The following SPATA31H1 variants were observed in gnomAD, a reference collection of about 807,000 sequenced individuals.
SPATA31H1 encodes the protein SPATA31 subfamily H member 1.
At chr2:27,539,621 G>A in the SPATA31H1 span, among the ~76,000 whole-genome samples, 1 of 110,216 alleles carries the variant, frequency 9.1e-6, no homozygotes, top group Non-Finnish European at 1.8e-5. Flanking sequence ...CATCCCCAAT[G>A]AGCCGCTGGG....
chr2:27,549,905 C>A, the SPATA31H1 span, among the ~76,000 whole-genome samples: 1 of 151,976 alleles, frequency 6.6e-6, no homozygotes, highest in Non-Finnish European at 1.5e-5. Flanking sequence ...AATCCTCTCA[C>A]CTTGGCCTCC....
At chr2:27,579,500 G>GATATGGA in the SPATA31H1 span, 2 of 1,614,180 alleles carry the variant, frequency 1.2e-6, no homozygotes, top group Non-Finnish European at 1.7e-6. Context: ...TGGCCTTAAG[G>GATATGGA]ATATGGACAC....
At chr2:27,560,131 G>T in the SPATA31H1 span, among the ~76,000 whole-genome samples, 2 of 152,098 alleles carry the variant, frequency 1.3e-5, no homozygotes, top group African/African-American at 4.8e-5. Flanking sequence ...CTCCCAAAGT[G>T]CTGGGATTAC....
At chr2:27,567,478 T>G in the SPATA31H1 span, 1 of 420,190 alleles carries the variant, frequency 2.4e-6, no homozygotes, top group Non-Finnish European at 4.2e-6. Flanking sequence ...TCCTCAGACC[T>G]TCCATCATTT....
At chr2:27,565,756 G>A in the SPATA31H1 span, among the ~76,000 whole-genome samples, 1 of 152,102 alleles carries the variant, frequency 6.6e-6, no homozygotes, top group East Asian at 1.9e-4. Context: ...TGGAGAAAAA[G>A]ATATGTATCA....
the SPATA31H1 span, among the ~76,000 whole-genome samples, chr2:27,559,204 C>T: frequency 1.3e-5 from 2 of 152,138 alleles, no homozygotes; most frequent in African/African-American, 4.8e-5. Context: ...TTCTGGCAGT[C>T]ATTTAGATGA....
At chr2:27,570,015 C>A in the SPATA31H1 span, 1 of 398,954 alleles carries the variant, frequency 2.5e-6, no homozygotes. Flanking sequence ...AGAGCCAACA[C>A]ATCAAAGTGT....
At chr2:27,576,137 C>T in the SPATA31H1 span, 1 of 403,030 alleles carries the variant, frequency 2.5e-6, no homozygotes. Context: ...CTATGGAGTG[C>T]AAACTTGCGC....
chr2:27,579,155 A>G, the SPATA31H1 span: 1 of 1,614,210 alleles, frequency 6.2e-7, no homozygotes, highest in Non-Finnish European at 8.5e-7. Flanking sequence ...GGGTTCAGAA[A>G]GGTCTCATCA....
At chr2:27,566,063 C>T in the SPATA31H1 span, 1 of 717,446 alleles carries the variant, frequency 1.4e-6, no homozygotes, top group Non-Finnish European at 2.6e-6. Flanking sequence ...GGGAAGAAAA[C>T]CTCAGGATGG....
At chr2:27,570,046 C>T in the SPATA31H1 span, 1 of 398,768 alleles carries the variant, frequency 2.5e-6, no homozygotes, top group Non-Finnish European at 4.4e-6. Context: ...CAGCTGACTC[C>T]AGAATCACAA....
At chr2:27,568,694 G>T in the SPATA31H1 span, 1 of 398,952 alleles carries the variant, frequency 2.5e-6, no homozygotes, top group East Asian at 3.6e-5. Flanking sequence ...TGGCCCCAAA[G>T]CCATGGTTAC....
At chr2:27,574,025 C>T in the SPATA31H1 span, 1 of 398,262 alleles carries the variant, frequency 2.5e-6, no homozygotes, top group Admixed American at 4.4e-5. Flanking sequence ...GAGAGTTAAA[C>T]CCCAGTTCAC....
At chr2:27,556,134 CAAA>C in the SPATA31H1 span, among the ~76,000 whole-genome samples, 27,891 of 92,044 alleles carry the variant, frequency 0.3, 3,538 homozygotes, top group East Asian at 0.53. Flanking sequence ...GACTCCATCT[CAAA>C]AAAAAAAAAA....
At chr2:27,579,983 G>C in the SPATA31H1 span, 1 of 1,614,146 alleles carries the variant, frequency 6.2e-7, no homozygotes, top group South Asian at 1.1e-5. Context: ...ATAAATTACA[G>C]ACCACTTCGG....
the SPATA31H1 span, chr2:27,570,566 C>T: frequency 2.5e-6 from 1 of 398,870 alleles, no homozygotes; most frequent in Non-Finnish European, 4.4e-6. Context: ...TAGGGCTTAA[C>T]CCAGAGCTGC....
chr2:27,582,503 G>A, the SPATA31H1 span: 1 of 1,609,576 alleles, frequency 6.2e-7, no homozygotes, highest in South Asian at 1.1e-5. Context: ...CAGGGCAAGT[G>A]TGGAGGCCTG....
At chr2:27,582,260 C>G in the SPATA31H1 span, 1 of 1,614,072 alleles carries the variant, frequency 6.2e-7, no homozygotes, top group Non-Finnish European at 8.5e-7. Flanking sequence ...AAGGGAGGAC[C>G]TCTGAGAGGA....
At chr2:27,577,523 A>C in the SPATA31H1 span, 1 of 1,614,118 alleles carries the variant, frequency 6.2e-7, no homozygotes, top group Non-Finnish European at 8.5e-7. The surrounding 1 kb of genome is among the most constrained non-coding windows in gnomAD (Gnocchi z 4.5). Context: ...AAAACTTAGA[A>C]TGTGTGGAGG....
Sources: allele counts gnomAD v4.1 joint callset (sites outside exome capture counted in the v4.1 genomes callset), GRCh38; gene constraint gnomAD v4.1.1; non-coding constraint Gnocchi (gnomAD v3.1); transcripts MANE v1.5; gene names NCBI Gene and HGNC (gene_info 2026-07-23, HGNC 2026-07-21).